GMDS: variants seen among roughly 807,000 people sequenced by gnomAD.
The protein encoded by GMDS is GDP-mannose 4,6 dehydratase.
GMDS carries 20 observed loss-of-function variants against 49.9 expected under a neutral mutation model. The ratio of observed to expected loss-of-function variants is 0.40; its 90% CI spans 0.28 to 0.58. GMDS has a LOEUF of 0.58. Among genes scored for constraint, GMDS ranks in the 20% least tolerant of loss-of-function variants. GMDS has a pLI of 0.42. For missense variants in GMDS, 362 were observed against 481.4 expected, an observed-to-expected ratio of 0.75 and a Z score of 2.32; for synonymous variants, 177 against 178.6, an observed-to-expected ratio of 0.99 and a Z score of 0.07.
intron 4 of GMDS, among the ~76,000 whole-genome samples, chr6:2,010,933 A>G (rs981795204): frequency 2.6e-5 from 4 of 152,218 alleles, no homozygotes; most frequent in African/African-American, 7.2e-5. Flanking sequence ...ATAGAGAGAG[A>G]TAAGATACAG....
chr6:1,651,744 C>T (rs1763658186), intron 9 of GMDS, among the ~76,000 whole-genome samples: 1 of 152,176 alleles, frequency 6.6e-6, no homozygotes, highest in Non-Finnish European at 1.5e-5. Context: ...TAGATAGACC[C>T]ATGAGCCCTA....
chr6:2,173,119 C>A (rs1442684259), intron 1 of GMDS, among the ~76,000 whole-genome samples: 1 of 152,070 alleles, frequency 6.6e-6, no homozygotes, highest in East Asian at 1.9e-4. Context: ...AAAAAGAAAT[C>A]TGCACTTCTA....
chr6:1,932,437 T>C (rs1022662653), intron 6 of GMDS, among the ~76,000 whole-genome samples: 2 of 152,194 alleles, frequency 1.3e-5, no homozygotes, highest in Admixed American at 1.3e-4. Context: ...GTTCTTATAT[T>C]ACCAGAACTT....
rs545852682 is a variant in GMDS, at chr6:1,833,843, T to C, written c.772-91257A>G. On this transcript the variant is annotated intron_variant, in intron 7 of 10. Coordinates refer to ENST00000380815, the MANE Select transcript of GMDS (RefSeq NM_001500.4). The surrounding 1 kb of genome is among the most constrained non-coding windows in gnomAD (Gnocchi z 4.4). ...TAAACAAACAAAGTAAATTAAGAAG[T>C]TGTTGGTTAGGTTTTCTCTATTTCT... Among the ~76,000 whole-genome samples the C allele has an allele frequency of 2.8e-4, 42 of 152,260 alleles. No homozygotes were observed. The highest frequency in any genetic ancestry group is 2.4e-3 in the Admixed American group (37 of 15,306).
At chr6:1,790,149 C>G (rs936487642) in intron 7 of GMDS, among the ~76,000 whole-genome samples, 5 of 152,146 alleles carry the variant, frequency 3.3e-5, no homozygotes, top group African/African-American at 1.2e-4. Flanking sequence ...CTTATCAATC[C>G]TACTCACTTG....
At chr6:1,863,373 G>T (rs1269382086) in intron 7 of GMDS, among the ~76,000 whole-genome samples, 1 of 152,114 alleles carries the variant, frequency 6.6e-6, no homozygotes, top group African/African-American at 2.4e-5. Flanking sequence ...TAAGAAGGGT[G>T]GGAGTGGAAA....
chr6:2,196,207 T>G (rs1234518358), intron 1 of GMDS, among the ~76,000 whole-genome samples: 1 of 152,224 alleles, frequency 6.6e-6, no homozygotes, highest in African/African-American at 2.4e-5. Flanking sequence ...ACAAAGCAAC[T>G]GCAAAACTAT....
intron 1 of GMDS, among the ~76,000 whole-genome samples, chr6:2,127,690 C>T (rs1026364416): frequency 6.6e-6 from 1 of 152,222 alleles, no homozygotes; most frequent in African/African-American, 2.4e-5. Flanking sequence ...GGCTCCTGGT[C>T]CCCAGCCCAG....
chr6:1,984,558 T>C (rs1203975442), intron 4 of GMDS, among the ~76,000 whole-genome samples: 1 of 152,188 alleles, frequency 6.6e-6, no homozygotes, highest in Non-Finnish European at 1.5e-5. Flanking sequence ...CCTAATGTCC[T>C]TTATAAATCT....
intron 6 of GMDS, among the ~76,000 whole-genome samples, chr6:1,957,047 C>T (rs1314259104): frequency 6.6e-6 from 1 of 152,146 alleles, no homozygotes; most frequent in East Asian, 1.9e-4. Flanking sequence ...AAGTGATTCA[C>T]CTGCCTCGGC....
At chr6:2,199,684 C>G (rs1322308978) in intron 1 of GMDS, among the ~76,000 whole-genome samples, 1 of 152,214 alleles carries the variant, frequency 6.6e-6, no homozygotes, top group Non-Finnish European at 1.5e-5. Context: ...AAGCTCATTT[C>G]AATCTCTATT....
At chr6:1,761,918 T>C (rs1320264049) in intron 7 of GMDS, among the ~76,000 whole-genome samples, 1 of 151,960 alleles carries the variant, frequency 6.6e-6, no homozygotes, top group Non-Finnish European at 1.5e-5. Context: ...AAAAAAACTA[T>C]AGGAAACCCT....
Position 1,651,803 on chromosome 6 carries a change from C to T in GMDS, c.988-27263G>A, listed in dbSNP as rs563251808. On this transcript the variant is annotated intron_variant, in intron 9 of 10. Transcript: ENST00000380815. The stretch of plus-strand genomic sequence containing the variant: ...AATGAGATAATGTGTATGCAAAAGC[C>T]CTACACCTGGCACTCGATAAACAAC... Among the ~76,000 whole-genome samples, 3 of 152,252 alleles carry T rather than the reference C, an allele frequency of 2.0e-5. No homozygotes were observed. In the South Asian group the frequency reaches 6.2e-4, roughly 32 times the overall value.
Position 1,840,983 on chromosome 6 carries a change from G to A in GMDS, c.771+89120C>T, listed in dbSNP as rs568417943. On this transcript the variant is annotated intron_variant, in intron 7 of 10. Transcript: ENST00000380815. ...AAGTTACAAACAAACAGGACAGACG[G>A]AAACTTATGAGTCAAATTTTTTTCA... Among the ~76,000 whole-genome samples, 5 of 152,234 alleles carry A rather than the reference G, an allele frequency of 3.3e-5. No homozygotes were observed. In the South Asian group the frequency reaches 8.3e-4, roughly 25 times the overall value.
At chr6:2,097,088 T>C (rs1041093793) in intron 4 of GMDS, among the ~76,000 whole-genome samples, 2 of 151,832 alleles carry the variant, frequency 1.3e-5, no homozygotes, top group African/African-American at 2.4e-5. Flanking sequence ...AAAGAAAATA[T>C]ATTTGAAAAG....
chr6:2,001,060 A>G (rs2127382054), intron 4 of GMDS, among the ~76,000 whole-genome samples: 1 of 152,302 alleles, frequency 6.6e-6, no homozygotes, highest in South Asian at 2.1e-4. Context: ...CAATGTGAAG[A>G]ACTACAGACT....
intron 7 of GMDS, among the ~76,000 whole-genome samples, chr6:1,890,218 G>A (rs565801738): frequency 2.0e-5 from 3 of 151,990 alleles, no homozygotes; most frequent in East Asian, 3.9e-4. Context: ...ACATCTCCAC[G>A]TCATCGCCAA....
intron 7 of GMDS, among the ~76,000 whole-genome samples, chr6:1,743,215 T>C (rs1767343867): frequency 1.3e-5 from 2 of 152,110 alleles, no homozygotes; most frequent in South Asian, 4.1e-4. Flanking sequence ...AGTTAATGGG[T>C]TCATAAGGCA....
intron 1 of GMDS, among the ~76,000 whole-genome samples, chr6:2,184,341 A>C (rs1032577072): frequency 6.6e-6 from 1 of 152,170 alleles, no homozygotes; most frequent in African/African-American, 2.4e-5. Flanking sequence ...AATAAAACTA[A>C]AACTCATGAC....
Sources: allele counts gnomAD v4.1 joint callset (sites outside exome capture counted in the v4.1 genomes callset), GRCh38; gene constraint gnomAD v4.1.1; non-coding constraint Gnocchi (gnomAD v3.1); transcripts MANE v1.5; gene names NCBI Gene and HGNC (gene_info 2026-07-23, HGNC 2026-07-21).